LAMB3: variants seen among roughly 807,000 people sequenced by gnomAD.
The protein encoded by LAMB3 is laminin subunit beta 3.
A neutral mutation model predicts 140.3 loss-of-function variants in LAMB3; 104 were observed. That is an observed-to-expected ratio of 0.74 (90% CI 0.63 to 0.87). LAMB3 has a LOEUF of 0.87. Ranked by LOEUF, LAMB3 falls within the 40% of genes least tolerant of loss-of-function variation. The pLI, the probability that LAMB3 is intolerant of heterozygous loss-of-function variation, is 0.00. For synonymous variants in LAMB3, 592 were observed against 602.9 expected (o/e 0.98, Z 0.26); for missense variants, 1,531 against 1,575.2 (o/e 0.97, Z 0.47).
At chr1:209,646,849 T>C (rs1025785872) in intron 3 of LAMB3, among the ~76,000 whole-genome samples, 1 of 152,218 alleles carries the variant, frequency 6.6e-6, no homozygotes, top group Non-Finnish European at 1.5e-5. Flanking sequence ...ATTTTTCAAA[T>C]GAGGCCAACG....
At position 209,617,478 on chromosome 1, in the gene LAMB3, C is replaced by G. The variant is rs1553275343; in HGVS notation, c.3160G>C (p.Gly1054Arg). Residue 1054 changes from glycine (G) to arginine (R), a missense_variant, in exon 21 of 23, where the codon GGG becomes CGG. By Grantham distance (125) the Gly-to-Arg change is moderately radical. Transcript: ENST00000356082. Reference sequence around the variant, plus strand: ...TGCTGGGCCTGGACTGCCTCTGCCCCCTGCTGCCGGGCTTGGTGGCGGAGC... The same window carrying G: ...TGCTGGGCCTGGACTGCCTCTGCCCGCTGCTGCCGGGCTTGGTGGCGGAGC... ...EELRHQARQQ[G>R]AEAVQAQQLA... 6.8e-6 allele frequency: 11 copies of G among 1,613,860 alleles called. No individual in the cohort carries two copies. The South Asian group carries it at 1.2e-4, about 18-fold the overall frequency.
At chr1:209,640,014 C>T (rs1038926175) in intron 3 of LAMB3, among the ~76,000 whole-genome samples, 2 of 152,218 alleles carry the variant, frequency 1.3e-5, no homozygotes, top group South Asian at 4.1e-4. Context: ...CCCATCTTCC[C>T]TCTCCAAAGC....
In LAMB3 at chr1:209,615,176, A is replaced by G; in HGVS notation, c.*95T>C. On this transcript the variant is annotated 3_prime_UTR_variant, in exon 23 of 23. Transcript: ENST00000356082. ...CAGGCTGTACTTTAGGCTGCATGAA[A>G]GTCTCCTGGAGATGGAAAGCATTCC... The G allele has an allele frequency of 6.5e-7, 1 of 1,535,908 alleles. No individual in the cohort carries two copies. Among genetic ancestry groups the G allele is most frequent in the Non-Finnish European group, 9.0e-7 (1 of 1,116,452 alleles).
intron 3 of LAMB3, among the ~76,000 whole-genome samples, chr1:209,649,655 G>C (rs918294820): frequency 6.6e-6 from 1 of 152,160 alleles, no homozygotes; most frequent in East Asian, 1.9e-4. Context: ...TGGCCTATTT[G>C]CCTATTCCCA....
intron 3 of LAMB3, among the ~76,000 whole-genome samples, chr1:209,641,395 C>T (rs2076468167): frequency 6.6e-6 from 1 of 152,056 alleles, no homozygotes. Flanking sequence ...TAGTATTAGC[C>T]CCATTTACAG....
At chr1:209,638,406 T>C in intron 4 of LAMB3, 128 bp downstream of exon 4, 1 of 721,626 alleles carries the variant, frequency 1.4e-6, no homozygotes, top group Non-Finnish European at 2.6e-6. Flanking sequence ...AGATTCTTCT[T>C]ATCAATCACC....
intron 7 of LAMB3, 128 bp from the exon 8 acceptor site, chr1:209,632,904 A>G (rs1666746771): frequency 1.2e-5 from 13 of 1,057,734 alleles, no homozygotes; most frequent in Non-Finnish European, 1.9e-5. Context: ...CAACCATCCC[A>G]TAGCATCCCA....
At chr1:209,638,847 G>A (rs992857016) in intron 3 of LAMB3, among the ~76,000 whole-genome samples, 199 bp from the exon 4 acceptor site, 4 of 152,046 alleles carry the variant, frequency 2.6e-5, no homozygotes, top group Non-Finnish European at 5.9e-5. Context: ...TAATTCCTTG[G>A]TGCCCCTCCT....
At chr1:209,617,066 G>C (rs1665992587) in intron 21 of LAMB3, among the ~76,000 whole-genome samples, 1 of 152,186 alleles carries the variant, frequency 6.6e-6, no homozygotes, top group African/African-American at 2.4e-5. Flanking sequence ...GTTAAGCAAA[G>C]AGCATCTGTC....
chr1:209,642,267 A>C (rs1434274218), intron 3 of LAMB3, among the ~76,000 whole-genome samples: 1 of 152,202 alleles, frequency 6.6e-6, no homozygotes, highest in East Asian at 1.9e-4. Flanking sequence ...ATATATATGT[A>C]TATATTTCCA....
At chr1:209,625,599 A>G (rs1558153165) in intron 14 of LAMB3, 49 bp downstream of exon 14, 9 of 1,611,318 alleles carry the variant, frequency 5.6e-6, no homozygotes, top group Non-Finnish European at 7.6e-6. Flanking sequence ...CGGTACTGGA[A>G]CCCCTGGAGC....
At position 209,616,542 on chromosome 1, in the gene LAMB3, C is replaced by T. The variant is rs149573831; in HGVS notation, c.3311G>A (p.Arg1104Gln). 3.0e-5 allele frequency: 48 copies of T among 1,614,054 alleles called. No homozygotes were observed. Among genetic ancestry groups the T allele is most frequent in the East Asian group, 1.8e-4 (8 of 44,900 alleles). The change falls in exon 22 of 23, where the codon CGG (arginine) becomes CAG (glutamine). Residue 1104 changes from arginine to glutamine, a missense_variant. Arg to Gln is a conservative substitution (Grantham distance 43). Coordinates refer to ENST00000356082, the MANE Select transcript of LAMB3 (RefSeq NM_000228.3). ...TGCCTCTGTCTTCACACTCTGGATC[C>T]GGGCACCCTGCTCACCCAGCATGGA... Reference protein sequence around the residue: ...QSSMLGEQGARIQSVKTEAEE... With the variant: ...QSSMLGEQGAQIQSVKTEAEE...
intron 1 of LAMB3, among the ~76,000 whole-genome samples, chr1:209,651,861 G>A (rs960404918): frequency 7.2e-6 from 1 of 138,128 alleles, no homozygotes; most frequent in African/African-American, 2.7e-5. Flanking sequence ...AGGGCTGGGG[G>A]CTTGGCAAGG....
chr1:209,638,417 C>T, intron 4 of LAMB3, 117 bp downstream of exon 4: 1 of 741,232 alleles, frequency 1.3e-6, no homozygotes, highest in East Asian at 2.6e-5. Context: ...ATCAATCACC[C>T]ATGTCACACC....
At chr1:209,617,292 G>C in intron 21 of LAMB3, 118 bp downstream of exon 21, 1 of 1,160,132 alleles carries the variant, frequency 8.6e-7, no homozygotes, top group South Asian at 1.2e-5. Flanking sequence ...AGCCTCTTCT[G>C]GTTCTGTTAT....
At chr1:209,637,006 A>T (rs1187510362) in intron 5 of LAMB3, among the ~76,000 whole-genome samples, 3 of 152,250 alleles carry the variant, frequency 2.0e-5, no homozygotes, top group Admixed American at 6.5e-5. Context: ...ATAAGCGCTC[A>T]CAAATAAATG....
At chr1:209,627,838 G>C (rs938998267) in intron 11 of LAMB3, among the ~76,000 whole-genome samples, 197 bp downstream of exon 11, 2 of 152,242 alleles carry the variant, frequency 1.3e-5, no homozygotes, top group African/African-American at 2.4e-5. Flanking sequence ...CCACCTGCTG[G>C]AGGCCAGTGG....
Position 209,629,801 on chromosome 1 carries a change from C to T in LAMB3, c.1068G>A (p.Glu356=), listed in dbSNP as rs919091093. 6 of 1,614,108 alleles carry T rather than the reference C, an allele frequency of 3.7e-6. No individual in the cohort carries two copies. The highest frequency in any genetic ancestry group is 3.4e-6 in the Non-Finnish European group (4 of 1,180,048). Residue 356 remains glutamate (E), a synonymous_variant, in exon 10 of 23, where the codon GAG becomes GAA. Coordinates refer to ENST00000356082, the MANE Select transcript of LAMB3 (RefSeq NM_000228.3). ...TCCGGAAATAGTGCAGCTGACACCG[C>T]TCACAGTTCTTGCCTTCGGTGTGGT... ...CRDHTEGKNC[E]RCQLHYFRNR...
In LAMB3 at chr1:209,617,487, G is replaced by C; in HGVS notation, c.3151C>G (p.Arg1051Gly). ...TGGACTGCCTCTGCCCCCTGCTGCC[G>C]GGCTTGGTGGCGGAGCTCCTCCATC... ...TRMEELRHQARQQGAEAVQAQ... is the reference protein window; with the variant it reads ...TRMEELRHQAGQQGAEAVQAQ... The change falls in exon 21 of 23, where the codon CGG becomes GGG. Residue 1051 changes from arginine (R) to glycine (G), a missense_variant. Coordinates refer to ENST00000356082, the MANE Select transcript of LAMB3 (RefSeq NM_000228.3). 3.1e-6 allele frequency: 5 copies of C among 1,613,910 alleles called. No homozygotes were observed. The highest frequency in any genetic ancestry group is 4.2e-6 in the Non-Finnish European group (5 of 1,180,034).
Sources: allele counts gnomAD v4.1 joint callset (sites outside exome capture counted in the v4.1 genomes callset), GRCh38; gene constraint gnomAD v4.1.1; transcripts MANE v1.5; gene names NCBI Gene and HGNC (gene_info 2026-07-23, HGNC 2026-07-21).